The following DDX46 variants were observed in gnomAD, a reference collection of about 807,000 sequenced individuals.
DDX46 encodes DEAD-box helicase 46, also known as probable ATP-dependent RNA helicase DDX46.
A neutral mutation model predicts 134.9 loss-of-function variants in DDX46; 30 were observed. That is an observed-to-expected ratio of 0.22 (90% CI 0.17 to 0.30). DDX46 has a LOEUF of 0.30. DDX46 is among the 10% of genes least tolerant of loss of function. The pLI is 1.00. For missense variants in DDX46, 622 were observed against 1,248.7 expected (o/e 0.50, Z 7.56); for synonymous variants, 415 against 404.1 (o/e 1.03, Z -0.32).
chr5:134,811,138 A>G (rs753218620), intron 16 of DDX46, 83 bp from the exon 17 acceptor site: 1 of 1,212,938 alleles, frequency 8.2e-7, no homozygotes, highest in Non-Finnish European at 1.1e-6. Flanking sequence ...AGGATTTATT[A>G]GGTGGATCAG....
intron 1 of DDX46, among the ~76,000 whole-genome samples, chr5:134,761,009 G>T (rs545093646): frequency 6.6e-6 from 1 of 151,796 alleles, no homozygotes. Context: ...GATTACAGGC[G>T]TGAGCCACCG....
Position 134,792,045 on chromosome 5 carries a change from C to T in DDX46, c.1626+1493C>T, listed in dbSNP as rs535770022. On this transcript the variant is annotated intron_variant, in intron 13 of 22. Coordinates refer to ENST00000452510, the MANE Select transcript of DDX46 (RefSeq NM_001300860.2). ...TACAAAAATTAGCTGGACATGGTGA[C>T]GGGCGCCTGTAATCCCAGCTACTTG... Among the ~76,000 whole-genome samples the T allele has an allele frequency of 7.2e-5, 11 of 152,084 alleles. No individual in the cohort carries two copies. The South Asian group carries it at 2.3e-3, about 32-fold the overall frequency.
rs771465611 is a variant in DDX46, at chr5:134,766,906, C to T, written c.207-11C>T. On this transcript the variant is annotated splice_polypyrimidine_tract_variant and intron_variant, in intron 2 of 22. Transcript: ENST00000452510. The stretch of plus-strand genomic sequence containing the variant: ...TGGTCATAGAATAAATGAAAAGTGT[C>T]CCCCTTTCAGACGTTCCAGAAGTAG... 2 of 1,605,302 alleles carry T rather than the reference C, an allele frequency of 1.2e-6. No homozygotes were observed. Among genetic ancestry groups the T allele is most frequent in the South Asian group, 1.1e-5 (1 of 89,310 alleles).
At chr5:134,763,837 A>G in intron 1 of DDX46, 67 bp from the exon 2 acceptor site, 1 of 1,455,106 alleles carries the variant, frequency 6.9e-7, no homozygotes. Context: ...TTTTTAGAAA[A>G]AATGTAATAA....
At chr5:134,803,246 G>A (rs968491766) in intron 15 of DDX46, among the ~76,000 whole-genome samples, 5 of 152,080 alleles carry the variant, frequency 3.3e-5, no homozygotes, top group Non-Finnish European at 7.4e-5. Context: ...CACCCACCTT[G>A]GCCTCCCAAA....
intron 13 of DDX46, among the ~76,000 whole-genome samples, chr5:134,793,286 T>C (rs1017605717): frequency 1.3e-5 from 2 of 152,216 alleles, no homozygotes; most frequent in African/African-American, 4.8e-5. Context: ...GACACTGTCA[T>C]GTAAATGAAA....
At chr5:134,770,013 T>C (rs1465232295) in intron 3 of DDX46, among the ~76,000 whole-genome samples, 2 of 152,138 alleles carry the variant, frequency 1.3e-5, no homozygotes, top group Non-Finnish European at 2.9e-5. Flanking sequence ...TAGAAGTTTA[T>C]TTCTTACCTA....
intron 8 of DDX46, among the ~76,000 whole-genome samples, chr5:134,782,600 C>T (rs1340360010): frequency 1.3e-5 from 2 of 151,932 alleles, no homozygotes; most frequent in Non-Finnish European, 2.9e-5. Context: ...TCACTGTAGC[C>T]TTGATTTCCT....
At chr5:134,768,907 A>T (rs530033753) in intron 3 of DDX46, among the ~76,000 whole-genome samples, 1 of 152,196 alleles carries the variant, frequency 6.6e-6, no homozygotes, top group South Asian at 2.1e-4. Flanking sequence ...AAAAGTAAAA[A>T]ATTAGTCAGG....
chr5:134,781,557 A>G (rs772382856), intron 7 of DDX46, among the ~76,000 whole-genome samples: 2 of 152,314 alleles, frequency 1.3e-5, no homozygotes, highest in South Asian at 4.1e-4. Context: ...GTAAAGATTT[A>G]TATAGTAAAA....
intron 16 of DDX46, among the ~76,000 whole-genome samples, chr5:134,810,963 G>A (rs1002023526): frequency 2.0e-5 from 3 of 151,920 alleles, no homozygotes; most frequent in South Asian, 2.1e-4. Flanking sequence ...CCAAAACTGC[G>A]CCACTGCACT....
intron 6 of DDX46, chr5:134,780,915 A>G (rs1754132867): frequency 3.1e-6 from 1 of 322,062 alleles, no homozygotes; most frequent in Non-Finnish European, 5.6e-6. Flanking sequence ...TTGTAGTCCT[A>G]GCAACTCAGG....
chr5:134,799,206 C>A (rs1754755359), intron 15 of DDX46, among the ~76,000 whole-genome samples: 1 of 152,084 alleles, frequency 6.6e-6, no homozygotes, highest in Non-Finnish European at 1.5e-5. Flanking sequence ...TTTGTCTACC[C>A]ACACATCAGT....
At chr5:134,766,838 C>G (rs1753583143) in intron 2 of DDX46, 79 bp from the exon 3 acceptor site, 1 of 1,471,734 alleles carries the variant, frequency 6.8e-7, no homozygotes, top group African/African-American at 1.4e-5. Flanking sequence ...AAGATTCTTT[C>G]AATGTGGGAC....
At chr5:134,786,919 G>GTTT (rs3069319) in intron 11 of DDX46, among the ~76,000 whole-genome samples, 3 of 151,812 alleles carry the variant, frequency 2.0e-5, no homozygotes, top group Non-Finnish European at 4.4e-5. Context: ...TGTTGTTGTT[G>GTTT]TTTTTTGGTT....
Position 134,773,819 on chromosome 5 carries a change from G to C in DDX46, c.571G>C (p.Glu191Gln). ...NIGELKKEIEEMKQGKKWSLE... is the reference protein window; with the variant it reads ...NIGELKKEIEQMKQGKKWSLE... The stretch of plus-strand genomic sequence containing the variant: ...AGGAGAACTGAAAAAGGAAATCGAA[G>C]AGATGAAACAAGGGAAAAAGTGGAG... The change falls in exon 5 of 23, where the codon GAG becomes CAG. Residue 191 changes from glutamate (E) to glutamine (Q), a missense_variant. By Grantham distance (29) the Glu-to-Gln change is conservative. Transcript: ENST00000452510. 2.5e-6 allele frequency: 4 copies of C among 1,612,066 alleles called. No individual in the cohort carries two copies. Among genetic ancestry groups the C allele is most frequent in the Non-Finnish European group, 3.4e-6 (4 of 1,179,416 alleles).
chr5:134,827,683 TGAG>T (rs1450404085), intron 22 of DDX46, among the ~76,000 whole-genome samples: 2 of 152,290 alleles, frequency 1.3e-5, no homozygotes, highest in East Asian at 1.9e-4. Flanking sequence ...CTCAACATTT[TGAG>T]GAGATCGGTC....
intron 17 of DDX46, 110 bp downstream of exon 17, chr5:134,811,468 A>G (rs931382439): frequency 1.5e-5 from 21 of 1,402,686 alleles, no homozygotes; most frequent in South Asian, 4.3e-5. Context: ...TGCTACGACT[A>G]TTTTTATTTC....
At chr5:134,809,171 T>C (rs956684907) in intron 16 of DDX46, among the ~76,000 whole-genome samples, 1 of 152,304 alleles carries the variant, frequency 6.6e-6, no homozygotes, top group African/African-American at 2.4e-5. Flanking sequence ...AATATTTTTT[T>C]GGAAAGGGCC....
Sources: allele counts gnomAD v4.1 joint callset (sites outside exome capture counted in the v4.1 genomes callset), GRCh38; gene constraint gnomAD v4.1.1; transcripts MANE v1.5; gene names NCBI Gene and HGNC (gene_info 2026-07-23, HGNC 2026-07-21).